The following LMNTD1 variants were observed in gnomAD, a reference collection of about 807,000 sequenced individuals.
LMNTD1 encodes the protein lamin tail domain-containing protein 1.
Under a neutral mutation model 50.9 loss-of-function variants are expected in LMNTD1, and 35 were observed. That is an observed-to-expected ratio of 0.69 (90% CI 0.53 to 0.91). LMNTD1 has a LOEUF of 0.91. Among genes scored for constraint, LMNTD1 ranks in the 40% least tolerant of loss-of-function variants. The pLI, the probability that LMNTD1 is intolerant of heterozygous loss-of-function variation, is 0.00. For synonymous variants in LMNTD1, 153 were observed against 161.9 expected (o/e 0.94, Z 0.42); for missense variants, 470 against 475.5 (o/e 0.99, Z 0.11).
intron 1 of LMNTD1, among the ~76,000 whole-genome samples, chr12:25,603,418 C>A (rs1946021878): frequency 6.6e-6 from 1 of 151,978 alleles, no homozygotes; most frequent in Admixed American, 6.6e-5. Flanking sequence ...AGATTATAAA[C>A]ACTTTCTTAC....
At chr12:25,647,869 A>C (rs1191903486) in intron 1 of LMNTD1, among the ~76,000 whole-genome samples, 15 of 152,240 alleles carry the variant, frequency 9.9e-5, no homozygotes, top group African/African-American at 3.6e-4. Context: ...AGGAACTGTC[A>C]AATAACGTTC....
At chr12:25,483,702 G>T (rs937189682) in intron 9 of LMNTD1, among the ~76,000 whole-genome samples, 11 of 151,602 alleles carry the variant, frequency 7.3e-5, no homozygotes, top group Admixed American at 6.6e-4. Flanking sequence ...AACTCAGGAG[G>T]CGGAAGTTGC....
chr12:25,536,773 C>T (rs973219574), intron 4 of LMNTD1, among the ~76,000 whole-genome samples: 26 of 152,230 alleles, frequency 1.7e-4, no homozygotes, highest in Admixed American at 1.4e-3. Context: ...CCAGCCTGAG[C>T]GACGCAGAAG....
At chr12:25,624,768 T>C (rs551884188) in intron 1 of LMNTD1, among the ~76,000 whole-genome samples, 2 of 152,252 alleles carry the variant, frequency 1.3e-5, no homozygotes, top group African/African-American at 4.8e-5. Flanking sequence ...TAGCTTAGGA[T>C]TAATTACATT....
At chr12:25,536,167 T>C (rs748367273) in intron 4 of LMNTD1, among the ~76,000 whole-genome samples, 1 of 152,084 alleles carries the variant, frequency 6.6e-6, no homozygotes, top group Non-Finnish European at 1.5e-5. Context: ...CAATAATTGA[T>C]ACAACAAGTA....
intron 9 of LMNTD1, among the ~76,000 whole-genome samples, chr12:25,479,707 T>C (rs573792913): frequency 1.3e-5 from 2 of 152,286 alleles, no homozygotes; most frequent in South Asian, 2.1e-4. Flanking sequence ...GGCAGAAGTG[T>C]TATGTGCAGG....
intron 4 of LMNTD1, among the ~76,000 whole-genome samples, chr12:25,543,949 C>T (rs1157540105): frequency 2.0e-5 from 3 of 151,816 alleles, no homozygotes; most frequent in Non-Finnish European, 4.4e-5. Context: ...CACAAAAGTA[C>T]TTGACATAAT....
At chr12:25,539,178 C>G (rs917041661) in intron 4 of LMNTD1, among the ~76,000 whole-genome samples, 12 of 143,014 alleles carry the variant, frequency 8.4e-5, no homozygotes, top group African/African-American at 3.1e-4. Flanking sequence ...GACAGAAAGT[C>G]AACAAGGATA....
chr12:25,589,459 G>T (rs1945632516), intron 1 of LMNTD1, among the ~76,000 whole-genome samples: 1 of 152,130 alleles, frequency 6.6e-6, no homozygotes, highest in Non-Finnish European at 1.5e-5. Flanking sequence ...CCTTTTATAG[G>T]GGCTGGGATT....
At chr12:25,509,138 ACT>A (rs1380070013) in intron 8 of LMNTD1, among the ~76,000 whole-genome samples, 1 of 152,016 alleles carries the variant, frequency 6.6e-6, no homozygotes, top group African/African-American at 2.4e-5. Context: ...ACAGAGTTTC[ACT>A]CTTGTCGTCC....
intron 1 of LMNTD1, among the ~76,000 whole-genome samples, chr12:25,634,064 A>G (rs1347315319): frequency 3.9e-5 from 6 of 152,234 alleles, no homozygotes. Context: ...CTTCATGCAC[A>G]TAAACTAGAA....
intron 1 of LMNTD1, among the ~76,000 whole-genome samples, chr12:25,584,733 A>G (rs773275297): frequency 6.6e-6 from 1 of 152,226 alleles, no homozygotes; most frequent in Admixed American, 6.5e-5. Flanking sequence ...ACATAAAATC[A>G]TAGCTTCAAA....
chr12:25,537,396 C>T (rs1207969143), intron 4 of LMNTD1, among the ~76,000 whole-genome samples: 1 of 152,206 alleles, frequency 6.6e-6, no homozygotes, highest in Non-Finnish European at 1.5e-5. Flanking sequence ...AGACTGCCTC[C>T]TTAAGTGGGT....
At chr12:25,627,385 G>T (rs1243458585) in intron 1 of LMNTD1, among the ~76,000 whole-genome samples, 2 of 152,110 alleles carry the variant, frequency 1.3e-5, no homozygotes, top group African/African-American at 4.8e-5. Context: ...CTTTCATGAT[G>T]ACTTTTTTCC....
At chr12:25,578,564 A>G (rs1051616679) in intron 1 of LMNTD1, among the ~76,000 whole-genome samples, 7 of 152,238 alleles carry the variant, frequency 4.6e-5, no homozygotes, top group African/African-American at 1.7e-4. Flanking sequence ...TCTGTTTAAT[A>G]CTATACTGCT....
intron 4 of LMNTD1, among the ~76,000 whole-genome samples, chr12:25,531,842 C>G (rs1942248190): frequency 6.6e-6 from 1 of 152,140 alleles, no homozygotes; most frequent in Admixed American, 6.5e-5. Context: ...GTGATTCAGT[C>G]TAGATATTTA....
At chr12:25,573,403 CAGG>C (rs1416275881) in intron 1 of LMNTD1, among the ~76,000 whole-genome samples, 1 of 152,078 alleles carries the variant, frequency 6.6e-6, no homozygotes, top group Non-Finnish European at 1.5e-5. Flanking sequence ...TTCAGGCTGG[CAGG>C]AGATGTCAGC....
chr12:25,565,440 A>G (rs541870287), intron 1 of LMNTD1, among the ~76,000 whole-genome samples: 8 of 152,318 alleles, frequency 5.3e-5, no homozygotes, highest in Admixed American at 1.3e-4. Context: ...ATTGTGGTAT[A>G]AACAACCTAA....
At chr12:25,598,680 C>T (rs1256443069) in intron 1 of LMNTD1, among the ~76,000 whole-genome samples, 1 of 144,744 alleles carries the variant, frequency 6.9e-6, no homozygotes, top group Non-Finnish European at 1.5e-5. Context: ...ACAATTGATA[C>T]TGCAGAAATA....
Sources: allele counts gnomAD v4.1 joint callset (sites outside exome capture counted in the v4.1 genomes callset), GRCh38; gene constraint gnomAD v4.1.1; transcripts MANE v1.5; gene names NCBI Gene and HGNC (gene_info 2026-07-23, HGNC 2026-07-21).